The following CNTNAP3B variants were observed in gnomAD, a reference collection of about 807,000 sequenced individuals.
CNTNAP3B encodes the protein contactin-associated protein-like 3B.
A neutral mutation model predicts 108.9 loss-of-function variants in CNTNAP3B; 25 were observed. The ratio of observed to expected loss-of-function variants is 0.23; its 90% CI spans 0.17 to 0.32. The LOEUF (loss-of-function observed/expected upper bound fraction) is 0.32. Among genes scored for constraint, CNTNAP3B ranks in the 10% least tolerant of loss-of-function variants. The pLI is 1.00. For missense variants in CNTNAP3B, 252 were observed against 1,210.4 expected, an observed-to-expected ratio of 0.21 and a Z score of 11.75; for synonymous variants, 103 against 473.4, an observed-to-expected ratio of 0.22 and a Z score of 10.16.
At chr9:42,114,858 A>G (rs1335260665) in intron 1 of CNTNAP3B, among the ~76,000 whole-genome samples, 1 of 136,412 alleles carries the variant, frequency 7.3e-6, no homozygotes, top group Admixed American at 7.4e-5. Flanking sequence ...GTTTGAGACG[A>G]GCCTGGCCAA....
chr9:41,995,501 C>T, intron 7 of CNTNAP3B, among the ~76,000 whole-genome samples: 1 of 134,406 alleles, frequency 7.4e-6, no homozygotes, highest in Non-Finnish European at 1.6e-5. Flanking sequence ...TTTGGGAGGC[C>T]AAGGTGGGCA....
At chr9:41,947,422 G>T (rs1824559502) in intron 13 of CNTNAP3B, among the ~76,000 whole-genome samples, 1 of 152,060 alleles carries the variant, frequency 6.6e-6, no homozygotes, top group African/African-American at 2.4e-5. Flanking sequence ...ATAAGCTACA[G>T]GTCAAAGAAT....
intron 4 of CNTNAP3B, among the ~76,000 whole-genome samples, chr9:42,001,321 G>T (rs1826000637): frequency 8.4e-6 from 1 of 118,980 alleles, no homozygotes; most frequent in Non-Finnish European, 1.7e-5. Context: ...GGGGGAGGTG[G>T]GAGGATCGCT....
rs1487273173 is a variant in CNTNAP3B, at chr9:41,932,923, T to C, written c.2238-3479A>G. On this transcript the variant is annotated intron_variant, in intron 14 of 23. Transcript: ENST00000377561. ...TTCTAGATTCTCAGTTTCTGTTTAA[T>C]TGCCTATCTTCTGGCCAGTTCAACC... Among the ~76,000 whole-genome samples, 34 of 151,258 alleles carry C rather than the reference T, an allele frequency of 2.2e-4. No individual in the cohort carries two copies. In the South Asian group the frequency reaches 4.5e-3, roughly 20 times the overall value.
intron 13 of CNTNAP3B, among the ~76,000 whole-genome samples, chr9:41,951,004 T>C (rs1824661431): frequency 8.9e-6 from 1 of 112,534 alleles, no homozygotes; most frequent in Admixed American, 9.4e-5. Flanking sequence ...TCCGCCCGCC[T>C]CGGCCTCCCG....
chr9:41,936,277 A>T (rs1458006072), intron 14 of CNTNAP3B, among the ~76,000 whole-genome samples: 1 of 150,972 alleles, frequency 6.6e-6, no homozygotes, highest in Non-Finnish European at 1.5e-5. Context: ...ACTCTGTCTC[A>T]AAACAAAAAC....
intron 10 of CNTNAP3B, among the ~76,000 whole-genome samples, chr9:41,969,730 G>A (rs1250096131): frequency 2.4e-4 from 35 of 147,790 alleles, no homozygotes; most frequent in Non-Finnish European, 4.8e-4. Context: ...CCATTCTCCT[G>A]CCTCAGCCTC....
intron 15 of CNTNAP3B, among the ~76,000 whole-genome samples, chr9:41,925,706 C>T (rs994624950): frequency 2.6e-5 from 4 of 152,298 alleles, no homozygotes; most frequent in Non-Finnish European, 5.9e-5. Flanking sequence ...GTATTCTATT[C>T]AATGGTTTAT....
chr9:41,997,373 C>G (rs1825918814), intron 6 of CNTNAP3B, among the ~76,000 whole-genome samples, 195 bp downstream of exon 6: 1 of 152,322 alleles, frequency 6.6e-6, no homozygotes, highest in Admixed American at 6.5e-5. Flanking sequence ...CTGTTTACTT[C>G]TTTTCAAGGT....
intron 17 of CNTNAP3B, among the ~76,000 whole-genome samples, chr9:41,920,579 G>C (rs1367338222): frequency 6.6e-6 from 1 of 152,286 alleles, no homozygotes; most frequent in Non-Finnish European, 1.5e-5. Context: ...AGGTAAGAAA[G>C]AATTTCACTT....
At chr9:42,056,331 TA>T (rs1044729769) in intron 3 of CNTNAP3B, among the ~76,000 whole-genome samples, 1 of 77,718 alleles carries the variant, frequency 1.3e-5, no homozygotes, top group African/African-American at 5.0e-5. Context: ...TGAATTTTAT[TA>T]TTATTATTAT....
chr9:41,940,847 A>C (rs1824319909), intron 13 of CNTNAP3B, among the ~76,000 whole-genome samples: 1 of 152,254 alleles, frequency 6.6e-6, no homozygotes, highest in Non-Finnish European at 1.5e-5. Flanking sequence ...AACCTTTTTA[A>C]CACAAAAGAA....
intron 2 of CNTNAP3B, among the ~76,000 whole-genome samples, chr9:42,103,295 A>C (rs1438042715): frequency 6.7e-6 from 1 of 149,180 alleles, no homozygotes; most frequent in Non-Finnish European, 1.5e-5. Context: ...ATGAAAAGTT[A>C]AATTGTTCAT....
intron 3 of CNTNAP3B, among the ~76,000 whole-genome samples, chr9:42,055,456 G>A (rs1185831356): frequency 1.4e-5 from 2 of 144,532 alleles, no homozygotes; most frequent in Non-Finnish European, 3.0e-5. Flanking sequence ...AATGTACCAT[G>A]ACCACTGAAA....
intron 4 of CNTNAP3B, among the ~76,000 whole-genome samples, chr9:42,003,940 G>T: frequency 7.1e-6 from 1 of 141,436 alleles, no homozygotes; most frequent in Non-Finnish European, 1.5e-5. Context: ...CTGGGCAACA[G>T]AGAGAGACTC....
intron 3 of CNTNAP3B, among the ~76,000 whole-genome samples, chr9:42,024,281 T>TG (rs1345450500): frequency 1.0e-5 from 1 of 96,978 alleles, no homozygotes; most frequent in African/African-American, 3.9e-5. Flanking sequence ...CTAAAATATT[T>TG]GTTCCTGGGA....
rs1043773234 is a variant in CNTNAP3B, at chr9:41,990,152, A to G, written c.1333+1458T>C. ...GGCTTAATACTTATTCCATAATAAG[A>G]CTATTTCATTTCTACCTTGTGAAAC... On this transcript the variant is annotated intron_variant, in intron 8 of 23. Coordinates refer to ENST00000377561, the MANE Select transcript of CNTNAP3B (RefSeq NM_001201380.3). Among the ~76,000 whole-genome samples the G allele has an allele frequency of 4.5e-5, 6 of 133,952 alleles. 1 individual carries two copies. The highest frequency in any genetic ancestry group is 7.9e-5 in the Non-Finnish European group (5 of 63,386). 87.9% of individuals were successfully genotyped at this position (133,952 alleles called of 152,430 possible).
chr9:41,920,966 GA>G (rs1163362990), intron 17 of CNTNAP3B, among the ~76,000 whole-genome samples: 1 of 152,298 alleles, frequency 6.6e-6, no homozygotes, highest in East Asian at 1.9e-4. Context: ...AAACCATTTA[GA>G]GAGGTTTACA....
At chr9:41,948,284 G>A (rs1824584647) in intron 13 of CNTNAP3B, among the ~76,000 whole-genome samples, 1 of 151,352 alleles carries the variant, frequency 6.6e-6, no homozygotes, top group Admixed American at 6.6e-5. Context: ...TGGAGACGGG[G>A]TTTCACCATG....
Sources: allele counts gnomAD v4.1 joint callset (sites outside exome capture counted in the v4.1 genomes callset), GRCh38; gene constraint gnomAD v4.1.1; transcripts MANE v1.5; gene names NCBI Gene and HGNC (gene_info 2026-07-23, HGNC 2026-07-21).